The following HDGFL2 variants were observed in gnomAD, a reference collection of about 807,000 sequenced individuals.
HDGFL2 encodes hepatoma-derived growth factor-related protein 2.
A neutral mutation model predicts 77.1 loss-of-function variants in HDGFL2; 36 were observed. The ratio of observed to expected loss-of-function variants is 0.47; its 90% CI spans 0.36 to 0.62. HDGFL2 has a LOEUF of 0.62. HDGFL2 is among the 20% of genes least tolerant of loss of function. The probability of loss-of-function intolerance (pLI) is 0.00; values close to 1 mark genes in which losing one functional copy is unlikely to be tolerated. For missense variants in HDGFL2, 976 were observed against 973.4 expected, an observed-to-expected ratio of 1.00 and a Z score of -0.04; for synonymous variants, 463 against 413.1, an observed-to-expected ratio of 1.12 and a Z score of -1.46.
At chr19:4,485,582 T>A (rs879606440) in intron 3 of HDGFL2, among the ~76,000 whole-genome samples, 2 of 149,264 alleles carry the variant, frequency 1.3e-5, no homozygotes, top group Non-Finnish European at 3.0e-5. Context: ...ACTAAAAAAA[T>A]ACAAAAAAAA....
chr19:4,475,681 G>T (rs1362931083), intron 3 of HDGFL2, 98 bp downstream of exon 3: 4 of 1,397,926 alleles, frequency 2.9e-6, no homozygotes, highest in Non-Finnish European at 2.8e-6. Context: ...GGACACATGG[G>T]GCTCGATCGT....
At chr19:4,481,745 C>G (rs927589300) in intron 3 of HDGFL2, among the ~76,000 whole-genome samples, 1 of 152,168 alleles carries the variant, frequency 6.6e-6, no homozygotes, top group Admixed American at 6.6e-5. Flanking sequence ...GCATGAGCCA[C>G]CGTGCCCGGC....
At chr19:4,475,186 C>G in intron 1 of HDGFL2, 89 bp from the exon 2 acceptor site, 2 of 1,117,498 alleles carry the variant, frequency 1.8e-6, no homozygotes, top group Non-Finnish European at 2.7e-6. Context: ...CTCCTCCCAG[C>G]GTGATTTGCC....
chr19:4,493,916 C>G, intron 7 of HDGFL2, 54 bp downstream of exon 7: 1 of 1,536,704 alleles, frequency 6.5e-7, no homozygotes, highest in Non-Finnish European at 8.8e-7. Context: ...GGGGCGCTCC[C>G]AGGCAGTCCC....
chr19:4,498,054 T>C (rs1218836022), intron 11 of HDGFL2, 23 bp downstream of exon 11: 1 of 1,543,736 alleles, frequency 6.5e-7, no homozygotes, highest in Non-Finnish European at 8.8e-7. Context: ...TGCCCAGCAC[T>C]GCCCACACTG....
intron 6 of HDGFL2, among the ~76,000 whole-genome samples, chr19:4,492,687 GGT>G (rs1329175187): frequency 1.4e-5 from 2 of 143,660 alleles, no homozygotes; most frequent in South Asian, 2.2e-4. Context: ...TGTTGTCTGT[GGT>G]GTGTGGTATG....
At position 4,501,243 on chromosome 19, in the gene HDGFL2, A is replaced by G. The variant is rs768689461; in HGVS notation, c.1842A>G (p.Ala614=). Residue 614 remains alanine, a synonymous_variant, in exon 15 of 16, where the codon GCA becomes GCG. Transcript: ENST00000616600. The part of the protein sequence containing the change: ...GEATSQKGES[A]EDKEHEEGRD... ...CCACATCACAGAAGGGGGAGAGCGC[A>G]GAGGACAAGGAGCACGAGGAGGGTC... is the stretch of plus-strand genomic sequence containing the variant. The G allele has an allele frequency of 6.2e-7, 1 of 1,613,676 alleles. No homozygotes were observed. Among genetic ancestry groups the G allele is most frequent in the Non-Finnish European group, 8.5e-7 (1 of 1,179,970 alleles).
Position 4,499,669 on chromosome 19 carries a change from C to T in HDGFL2, c.1754C>T (p.Ala585Val). 1.3e-6 allele frequency: 2 copies of T among 1,561,148 alleles called. No homozygotes were observed. Among genetic ancestry groups the T allele is most frequent in the Non-Finnish European group, 1.7e-6 (2 of 1,147,994 alleles). ...LAGEELAGEEAPQEKAEDKPS... is the reference protein window; with the variant it reads ...LAGEELAGEEVPQEKAEDKPS... ...GGGGAGGAGCTGGCCGGGGAGGAGG[C>T]CCCCCAGGAGAAGGCGGAGGACAAG... The change falls in exon 14 of 16, where the codon GCC becomes GTC. Residue 585 changes from alanine to valine, a missense_variant. Ala to Val is a moderately conservative substitution (Grantham distance 64). Around this residue, in one of 5 missense-constraint regions of HDGFL2, gnomAD observed 229 missense variants for 187.3 expected, o/e 1.22. Transcript: ENST00000616600.
chr19:4,491,480 T>A, intron 4 of HDGFL2, 86 bp from the exon 5 acceptor site: 1 of 1,147,812 alleles, frequency 8.7e-7, no homozygotes, highest in Middle Eastern at 2.2e-4. Flanking sequence ...AGCTCAGCTG[T>A]CGTGGGTGGT....
intron 6 of HDGFL2, among the ~76,000 whole-genome samples, chr19:4,492,537 G>T (rs1975544620): frequency 6.6e-6 from 1 of 151,652 alleles, no homozygotes; most frequent in African/African-American, 2.4e-5. Flanking sequence ...TCTGTGTGTG[G>T]TGTCTGTGTT....
intron 13 of HDGFL2, 93 bp downstream of exon 13, chr19:4,499,008 G>A (rs1426537770): frequency 6.9e-6 from 6 of 868,236 alleles, no homozygotes; most frequent in Middle Eastern, 2.5e-4. Context: ...GGTTCCTGTC[G>A]GGACAGCCCT....
In HDGFL2 at chr19:4,493,810, C is replaced by G. The variant is rs1401129683; in HGVS notation, c.786C>G (p.Ser262=). ...RSASSSSSSS[S]SSDSDVSVKK... ...CGTCCTCCTCCTCCTCTTCCTCCTCCTCCTCCGACTCCGATGTGTCTGTGA... is the reference window on the plus strand; with the variant it reads ...CGTCCTCCTCCTCCTCTTCCTCCTCGTCCTCCGACTCCGATGTGTCTGTGA... Residue 262 remains serine, a synonymous_variant, in exon 7 of 16, where the codon TCC becomes TCG. Transcript: ENST00000616600. 3.9e-6 allele frequency: 6 copies of G among 1,538,522 alleles called. No individual in the cohort carries two copies. Among genetic ancestry groups the G allele is most frequent in the Non-Finnish European group, 5.3e-6 (6 of 1,138,862 alleles).
intron 9 of HDGFL2, among the ~76,000 whole-genome samples, chr19:4,495,869 A>G (rs1975688328): frequency 6.6e-6 from 1 of 152,072 alleles, no homozygotes; most frequent in Non-Finnish European, 1.5e-5. Context: ...AGATTCAGGC[A>G]ATGTGGCCTG....
chr19:4,479,551 A>T lies in HDGFL2; in HGVS notation c.288+3968A>T, dbSNP rs1975159647. Among the ~76,000 whole-genome samples the T allele has an allele frequency of 2.7e-5, 4 of 149,770 alleles. No individual in the cohort carries two copies. The South Asian group carries it at 8.5e-4, about 32-fold the overall frequency. On this transcript the variant is annotated intron_variant, in intron 3 of 15. Transcript: ENST00000616600. ...AGCTGAGCTCCCACCACTGCACTCC[A>T]GCCTGGGCGACACAGCGAGATTCCA...
At chr19:4,491,877 G>A (rs1357449720) in intron 6 of HDGFL2, 42 bp downstream of exon 6, 1 of 1,553,814 alleles carries the variant, frequency 6.4e-7, no homozygotes, top group Non-Finnish European at 8.9e-7. Flanking sequence ...CACTCGTGGG[G>A]CACCTCTGCG....
At chr19:4,493,327 CGTGT>C (rs938152942) in intron 6 of HDGFL2, among the ~76,000 whole-genome samples, 5 of 144,460 alleles carry the variant, frequency 3.5e-5, no homozygotes, top group Non-Finnish European at 7.6e-5. Flanking sequence ...CTGTGTGTGG[CGTGT>C]GTGTTTGGCA....
Position 4,490,960 on chromosome 19 carries a change from C to T in HDGFL2, c.490-606C>T, listed in dbSNP as rs150431935. 3.5e-3 allele frequency among the ~76,000 whole-genome samples: 532 copies of T among 152,142 alleles called. 6 individuals are homozygous for T. The highest frequency in any genetic ancestry group is 0.012 in the African/African-American group (490 of 41,494). On this transcript the variant is annotated intron_variant, in intron 4 of 15. Transcript: ENST00000616600. ...CTGTGTAGGTGGGATTACAGGCATACGCCACCACACCCAGCTAATTTTGTT... is the reference window on the plus strand; with the variant it reads ...CTGTGTAGGTGGGATTACAGGCATATGCCACCACACCCAGCTAATTTTGTT...
chr19:4,498,783 C>T, intron 12 of HDGFL2, 31 bp from the exon 13 acceptor site: 5 of 1,495,456 alleles, frequency 3.3e-6, no homozygotes, highest in Non-Finnish European at 4.6e-6. Context: ...CTTGGCCAGG[C>T]CGTCTCCCTC....
At chr19:4,500,807 A>G (rs994086736) in intron 14 of HDGFL2, among the ~76,000 whole-genome samples, 2 of 152,150 alleles carry the variant, frequency 1.3e-5, no homozygotes, top group African/African-American at 2.4e-5. Context: ...GGTTGCTGGC[A>G]TGTTACTCAG....
Sources: allele counts gnomAD v4.1 joint callset (sites outside exome capture counted in the v4.1 genomes callset), GRCh38; gene constraint gnomAD v4.1.1; regional missense constraint gnomAD v4.1.1; transcripts MANE v1.5; gene names NCBI Gene and HGNC (gene_info 2026-07-23, HGNC 2026-07-21).